Variants in GAP43 observed in about 807,000 individuals in gnomAD.
The protein encoded by GAP43 is growth associated protein 43, also known as neuromodulin.
Under a neutral mutation model 18.6 loss-of-function variants are expected in GAP43, and 6 were observed. That is an observed-to-expected ratio of 0.32 (90% CI 0.18 to 0.64). The LOEUF (loss-of-function observed/expected upper bound fraction) is 0.64. Among genes scored for constraint, GAP43 ranks in the 30% least tolerant of loss-of-function variants. The pLI is 0.78. For missense variants in GAP43, 292 were observed against 295.5 expected, an observed-to-expected ratio of 0.99 and a Z score of 0.09; for synonymous variants, 115 against 111.4, an observed-to-expected ratio of 1.03 and a Z score of -0.20.
chr3:115,626,003 G>C (rs1020204851), intron 1 of GAP43, among the ~76,000 whole-genome samples: 2 of 152,192 alleles, frequency 1.3e-5, no homozygotes, highest in African/African-American at 4.8e-5. Flanking sequence ...ATAAACCACT[G>C]TTGTGTATCA....
chr3:115,630,246 GC>G (rs1207784893), intron 1 of GAP43, among the ~76,000 whole-genome samples: 1 of 152,112 alleles, frequency 6.6e-6, no homozygotes, highest in Non-Finnish European at 1.5e-5. Flanking sequence ...TGTAGTGCTG[GC>G]CTGTGCTTAG....
intron 1 of GAP43, among the ~76,000 whole-genome samples, chr3:115,645,512 A>T (rs576880281): frequency 1.3e-5 from 2 of 151,990 alleles, no homozygotes; most frequent in Non-Finnish European, 2.9e-5. Flanking sequence ...GCTTCTGTCA[A>T]ACTTCATTGT....
chr3:115,683,137 GCGCGCGCGCGCACACACA>G (rs1431815088), intron 2 of GAP43, among the ~76,000 whole-genome samples: 1 of 123,370 alleles, frequency 8.1e-6, no homozygotes, highest in Admixed American at 8.1e-5. Flanking sequence ...GCGCGCGTGC[GCGCGCGCGCGCACACACA>G]CACACACACA....
chr3:115,674,730 A>T (rs2107488632), intron 1 of GAP43, among the ~76,000 whole-genome samples: 1 of 152,270 alleles, frequency 6.6e-6, no homozygotes, highest in Non-Finnish European at 1.5e-5. Context: ...TTTATTGCTA[A>T]TGTTGGACCA....
intron 2 of GAP43, among the ~76,000 whole-genome samples, chr3:115,692,987 G>A (rs1477919467): frequency 6.6e-6 from 1 of 152,210 alleles, no homozygotes; most frequent in African/African-American, 2.4e-5. Flanking sequence ...CTATTGCACT[G>A]CTATGCAGTT....
chr3:115,623,569 A>G lies in GAP43; in HGVS notation c.-121A>G, dbSNP rs1708140942. The G allele has an allele frequency of 2.3e-6, 3 of 1,295,092 alleles. No individual in the cohort carries two copies. Among genetic ancestry groups the G allele is most frequent in the Admixed American group, 1.9e-5 (1 of 52,474 alleles). 80.2% of individuals were successfully genotyped at this position (1,295,092 alleles called of 1,614,324 possible). Reference sequence around the variant, plus strand: ...GAGAGAGAGGGAGGGAGGGAGAGAGAGCGCGCTAGCGCGAGAGAGCGAGTG... The same window carrying G: ...GAGAGAGAGGGAGGGAGGGAGAGAGGGCGCGCTAGCGCGAGAGAGCGAGTG... On this transcript the variant is annotated 5_prime_UTR_variant, in exon 1 of 3. Transcript: ENST00000305124.
At position 115,669,023 on chromosome 3, in the gene GAP43, G is replaced by A. The variant is rs546870855; in HGVS notation, c.31-6990G>A. On this transcript the variant is annotated intron_variant, in intron 1 of 2. Coordinates refer to ENST00000305124, the MANE Select transcript of GAP43 (RefSeq NM_002045.4). ...ATAGTGCCACTGCGCTCCAGCCTGGGTGACAGAGAGTGACCCTGTCTAAAA... is the reference window on the plus strand; with the variant it reads ...ATAGTGCCACTGCGCTCCAGCCTGGATGACAGAGAGTGACCCTGTCTAAAA... 1.6e-4 allele frequency among the ~76,000 whole-genome samples: 24 copies of A among 150,778 alleles called. No individual in the cohort carries two copies. In the South Asian group the frequency reaches 4.8e-3, roughly 30 times the overall value.
At chr3:115,625,932 G>A (rs1334432504) in intron 1 of GAP43, among the ~76,000 whole-genome samples, 5 of 152,198 alleles carry the variant, frequency 3.3e-5, no homozygotes, top group African/African-American at 1.2e-4. Flanking sequence ...TATAGAAATT[G>A]TCCTACTTTG....
At chr3:115,696,575 ACCGCCCCCCCCCC>A (rs1709192598) in intron 2 of GAP43, among the ~76,000 whole-genome samples, 1 of 32,718 alleles carries the variant, frequency 3.1e-5, no homozygotes, top group African/African-American at 1.3e-4. Flanking sequence ...GCTGCCCCCC[ACCGCCCCCCCCCC>A]CCACAAACAG....
intron 1 of GAP43, 135 bp downstream of exon 1, chr3:115,623,854 A>G: frequency 2.4e-6 from 2 of 847,196 alleles, no homozygotes; most frequent in South Asian, 2.8e-5. Context: ...ATGGTAACTG[A>G]TGGTTGCATC....
intron 1 of GAP43, among the ~76,000 whole-genome samples, chr3:115,641,318 C>T (rs1708392255): frequency 6.6e-6 from 1 of 151,694 alleles, no homozygotes; most frequent in Admixed American, 6.6e-5. Context: ...TAGCAATTCC[C>T]CTTTTCTCAT....
At chr3:115,647,319 C>G (rs987704060) in intron 1 of GAP43, among the ~76,000 whole-genome samples, 1 of 152,054 alleles carries the variant, frequency 6.6e-6, no homozygotes, top group Non-Finnish European at 1.5e-5. Flanking sequence ...AAATAAATTT[C>G]TCTTGTTAAC....
intron 1 of GAP43, among the ~76,000 whole-genome samples, chr3:115,634,631 G>T (rs1708306188): frequency 1.3e-5 from 2 of 152,150 alleles, no homozygotes; most frequent in Middle Eastern, 3.4e-3. Flanking sequence ...TTAGCTGGGT[G>T]TGGTGGTACA....
At chr3:115,683,147 G>GCGCACA (rs1252333447) in intron 2 of GAP43, among the ~76,000 whole-genome samples, 1,655 of 127,358 alleles carry the variant, frequency 0.013, 18 homozygotes, top group Middle Eastern at 0.046. Flanking sequence ...GCGCGCGCGC[G>GCGCACA]CACACACACA....
chr3:115,638,643 A>G (rs1708358739), intron 1 of GAP43, among the ~76,000 whole-genome samples: 1 of 150,894 alleles, frequency 6.6e-6, no homozygotes, highest in African/African-American at 2.4e-5. Context: ...CCCAGACTCT[A>G]TTGCAATTGT....
intron 1 of GAP43, among the ~76,000 whole-genome samples, chr3:115,636,864 G>A (rs748796701): frequency 6.6e-6 from 1 of 151,964 alleles, no homozygotes; most frequent in African/African-American, 2.4e-5. Flanking sequence ...TACGTAAAAC[G>A]AAAGTATTGA....
Position 115,687,646 on chromosome 3 carries a change from A to G in GAP43, c.628+11036A>G, listed in dbSNP as rs1176773995. ...TTTCTGGGAATTGCGGTTGTTTTGC[A>G]GAGGCCAGGTTAACAAGGATTGGGT... On this transcript the variant is annotated intron_variant, in intron 2 of 2. Coordinates refer to ENST00000305124, the MANE Select transcript of GAP43 (RefSeq NM_002045.4). Among the ~76,000 whole-genome samples, 4 of 152,324 alleles carry G rather than the reference A, an allele frequency of 2.6e-5. No individual in the cohort carries two copies. In the East Asian group the frequency reaches 7.7e-4, roughly 29 times the overall value.
intron 2 of GAP43, among the ~76,000 whole-genome samples, chr3:115,714,742 A>G (rs1709482135): frequency 6.6e-6 from 1 of 151,578 alleles, no homozygotes; most frequent in Non-Finnish European, 1.5e-5. Flanking sequence ...GTTTTATAAT[A>G]GAACTGGATT....
intron 1 of GAP43, among the ~76,000 whole-genome samples, chr3:115,654,653 A>G (rs1415116054): frequency 2.1e-4 from 32 of 152,170 alleles, no homozygotes; most frequent in Admixed American, 2.1e-3. Context: ...AAATTACTCA[A>G]ATTGCTTGAG....
Sources: allele counts gnomAD v4.1 joint callset (sites outside exome capture counted in the v4.1 genomes callset), GRCh38; gene constraint gnomAD v4.1.1; transcripts MANE v1.5; gene names NCBI Gene and HGNC (gene_info 2026-07-23, HGNC 2026-07-21).